PLXNC1: variants seen among roughly 807,000 people sequenced by gnomAD.
PLXNC1 encodes plexin-C1.
Under a neutral mutation model 178.2 loss-of-function variants are expected in PLXNC1, and 75 were observed. That is an observed-to-expected ratio of 0.42 (90% CI 0.35 to 0.51). The LOEUF (loss-of-function observed/expected upper bound fraction) is 0.51, where lower values mean the gene tolerates loss of function less well. Ranked by LOEUF, PLXNC1 falls within the 20% of genes least tolerant of loss-of-function variation. The probability of loss-of-function intolerance (pLI) is 0.02; values close to 1 mark genes in which losing one functional copy is unlikely to be tolerated. For missense variants in PLXNC1, 1,503 were observed against 1,984.4 expected, an observed-to-expected ratio of 0.76 and a Z score of 4.61; for synonymous variants, 790 against 779.9, an observed-to-expected ratio of 1.01 and a Z score of -0.22.
intron 4 of PLXNC1, among the ~76,000 whole-genome samples, chr12:94,187,696 G>A (rs923812627): frequency 1.3e-5 from 2 of 152,168 alleles, no homozygotes; most frequent in Non-Finnish European, 2.9e-5. Flanking sequence ...TGTATTTGTA[G>A]AGCTGTGTAC....
chr12:94,158,536 C>CCATA, intron 1 of PLXNC1, among the ~76,000 whole-genome samples: 1 of 152,288 alleles, frequency 6.6e-6, no homozygotes. Flanking sequence ...TGGCGCATGC[C>CCATA]CATAATCCCA....
intron 21 of PLXNC1, among the ~76,000 whole-genome samples, chr12:94,271,854 G>T (rs555700075): frequency 6.6e-6 from 1 of 152,212 alleles, no homozygotes; most frequent in Non-Finnish European, 1.5e-5. Context: ...TATTGATGAT[G>T]TGGGATGTGG....
rs913025483 is a variant in PLXNC1, at chr12:94,218,194, T to C, written c.1555-1822T>C. Among the ~76,000 whole-genome samples the C allele has an allele frequency of 3.9e-5, 6 of 152,320 alleles. 1 individual carries two copies. Among genetic ancestry groups the C allele is most frequent in the East Asian group, 1.9e-4 (1 of 5,188 alleles). On this transcript the variant is annotated intron_variant, in intron 5 of 30. Transcript: ENST00000258526. ...GTTAGTGGGAATGGTTTGGGATCTT[T>C]CACTGTGCTCAGAATTCCCTAAAGA...
chr12:94,151,064 A>C (rs1960944574), intron 1 of PLXNC1, among the ~76,000 whole-genome samples: 1 of 152,116 alleles, frequency 6.6e-6, no homozygotes, highest in Non-Finnish European at 1.5e-5. Flanking sequence ...ATGGCTCCTG[A>C]GAGGGGAGCC....
At chr12:94,221,693 G>A (rs1253316258) in intron 6 of PLXNC1, among the ~76,000 whole-genome samples, 1 of 152,148 alleles carries the variant, frequency 6.6e-6, no homozygotes, top group Non-Finnish European at 1.5e-5. Context: ...TGGTGACTGG[G>A]GAGTCCAAGG....
intron 5 of PLXNC1, among the ~76,000 whole-genome samples, chr12:94,215,716 CAA>C (rs1963628548): frequency 1.3e-5 from 2 of 151,804 alleles, no homozygotes; most frequent in Non-Finnish European, 2.9e-5. Flanking sequence ...TAAGAGGAAA[CAA>C]AAATTATTTC....
chr12:94,242,245 T>C (rs1198109135), intron 11 of PLXNC1, among the ~76,000 whole-genome samples: 1 of 151,460 alleles, frequency 6.6e-6, no homozygotes, highest in Non-Finnish European at 1.5e-5. Context: ...TAGATGGTCA[T>C]CTTCTCTCTA....
rs561133699 is a variant in PLXNC1, at chr12:94,181,711, G to A, written c.1338+131G>A. ...AGTGCCCCAGGCTTTGAGGAGACCC[G>A]CAGTGGTTCACAGGCACGGAATTAA... On this transcript the variant is annotated intron_variant, in intron 3 of 30. Transcript: ENST00000258526. 8.9e-5 allele frequency: 64 copies of A among 715,922 alleles called. 1 individual carries two copies. The highest frequency in any genetic ancestry group is 8.8e-4 in the South Asian group (51 of 57,694). 44.3% of individuals were successfully genotyped at this position (715,922 alleles called of 1,614,324 possible). A position where few individuals can be genotyped will look rare whatever the true frequency, so the allele number is the denominator to read the frequency against.
At position 94,303,494 on chromosome 12, in the gene PLXNC1, T is replaced by C. The variant is rs537817847; in HGVS notation, c.4387-262T>C. 5.9e-5 allele frequency among the ~76,000 whole-genome samples: 9 copies of C among 152,308 alleles called. No homozygotes were observed. The South Asian group carries it at 1.9e-3, about 32-fold the overall frequency. ...AATCATGCAAAAATAATAATTTTAG[T>C]TCTTTTATGAGAGGAAGGCAGAATA... is the stretch of plus-strand genomic sequence containing the variant. On this transcript the variant is annotated intron_variant, in intron 28 of 30. Coordinates refer to ENST00000258526, the MANE Select transcript of PLXNC1 (RefSeq NM_005761.3).
chr12:94,186,810 G>A (rs2135967919), intron 4 of PLXNC1: 1 of 238,408 alleles, frequency 4.2e-6, no homozygotes, highest in East Asian at 8.8e-5. Context: ...CCCCCTCCGA[G>A]AAGATAAAAG....
At chr12:94,174,931 C>A (rs1961991443) in intron 2 of PLXNC1, among the ~76,000 whole-genome samples, 2 of 152,364 alleles carry the variant, frequency 1.3e-5, no homozygotes, top group South Asian at 4.1e-4. Flanking sequence ...ATATAATCCA[C>A]AAATCTAGAA....
chr12:94,243,897 G>A, intron 11 of PLXNC1, 41 bp from the exon 12 acceptor site: 4 of 978,768 alleles, frequency 4.1e-6, no homozygotes, highest in Non-Finnish European at 4.7e-6. Flanking sequence ...ATGCCTGTGT[G>A]TTAGCTATGA....
intron 20 of PLXNC1, among the ~76,000 whole-genome samples, chr12:94,263,069 C>A (rs573499589): frequency 3.9e-5 from 6 of 152,152 alleles, no homozygotes; most frequent in Non-Finnish European, 7.3e-5. Flanking sequence ...CGAAGCCTGG[C>A]CCCTGGGGGA....
intron 1 of PLXNC1, among the ~76,000 whole-genome samples, chr12:94,165,657 C>T (rs1051872716): frequency 6.6e-6 from 1 of 152,156 alleles, no homozygotes; most frequent in East Asian, 1.9e-4. Context: ...TAGCAGAAAA[C>T]GCAACCAACA....
At chr12:94,278,738 C>T (rs1262727026) in intron 21 of PLXNC1, among the ~76,000 whole-genome samples, 4 of 152,138 alleles carry the variant, frequency 2.6e-5, no homozygotes, top group Non-Finnish European at 4.4e-5. Context: ...TGGCTCACGC[C>T]TGTAATCCTA....
At chr12:94,225,269 C>A (rs1384109820) in intron 7 of PLXNC1, among the ~76,000 whole-genome samples, 1 of 152,118 alleles carries the variant, frequency 6.6e-6, no homozygotes. Flanking sequence ...TTTGATTGAC[C>A]AGTTATGTGA....
At chr12:94,219,981 AATC>A (rs777448145) in intron 5 of PLXNC1, 32 bp from the exon 6 acceptor site, 2 of 1,600,390 alleles carry the variant, frequency 1.2e-6, no homozygotes, top group Non-Finnish European at 1.7e-6. Flanking sequence ...ATGAGGCAAA[AATC>A]ATCATTTTTT....
intron 6 of PLXNC1, among the ~76,000 whole-genome samples, chr12:94,221,772 C>T (rs1225902447): frequency 1.3e-5 from 2 of 152,158 alleles, no homozygotes; most frequent in Non-Finnish European, 2.9e-5. Context: ...TGCCTTGTTG[C>T]TGTATTCTCA....
chr12:94,288,083 G>A (rs1223301306), intron 23 of PLXNC1, among the ~76,000 whole-genome samples: 1 of 152,238 alleles, frequency 6.6e-6, no homozygotes, highest in Admixed American at 6.5e-5. Context: ...CAGGCTTTCA[G>A]CCCATGCTCC....
Sources: gnomAD v4.1 joint callset for allele counts (sites outside exome capture counted in the v4.1 genomes callset) on GRCh38, gnomAD v4.1.1 for gene constraint, MANE v1.5 for transcripts, NCBI Gene and HGNC (gene_info 2026-07-23, HGNC 2026-07-21) for gene names.